TAOK1: variants seen among roughly 807,000 people sequenced by gnomAD.
TAOK1 encodes serine/threonine-protein kinase TAO1.
Under a neutral mutation model 138.3 loss-of-function variants are expected in TAOK1, and 21 were observed. The observed-to-expected ratio is 0.15, with a 90% CI of 0.11 to 0.22. The LOEUF (loss-of-function observed/expected upper bound fraction) is 0.22. Ranked by LOEUF, TAOK1 falls within the 10% of genes least tolerant of loss-of-function variation. The probability of loss-of-function intolerance (pLI) is 1.00; values close to 1 mark genes in which losing one functional copy is unlikely to be tolerated. For synonymous variants in TAOK1, 361 were observed against 398.4 expected, an observed-to-expected ratio of 0.91 and a Z score of 1.12; for missense variants, 651 against 1,227.7, an observed-to-expected ratio of 0.53 and a Z score of 7.02.
At chr17:29,517,755 C>T in intron 16 of TAOK1, 99 bp downstream of exon 16, 1 of 1,100,546 alleles carries the variant, frequency 9.1e-7, no homozygotes, top group Non-Finnish European at 1.3e-6. Context: ...TGCACTTATA[C>T]TTGCCTCTGT....
intron 1 of TAOK1, among the ~76,000 whole-genome samples, chr17:29,398,671 A>G (rs1180365191): frequency 1.3e-5 from 2 of 151,880 alleles, no homozygotes; most frequent in Non-Finnish European, 2.9e-5. Context: ...CTGGGATTAT[A>G]GGCATGTGCC....
At chr17:29,480,123 A>ATT in intron 6 of TAOK1, 1 of 268,546 alleles carries the variant, frequency 3.7e-6, no homozygotes, top group Non-Finnish European at 6.9e-6. Flanking sequence ...CAATGAACTA[A>ATT]TTTTTTTTTA....
At chr17:29,465,990 T>C (rs1264339607) in intron 2 of TAOK1, among the ~76,000 whole-genome samples, 2 of 152,118 alleles carry the variant, frequency 1.3e-5, no homozygotes, top group Non-Finnish European at 2.9e-5. Context: ...TAATTTTGTT[T>C]TTCTAAGAGT....
chr17:29,413,188 G>A (rs1202741030), intron 1 of TAOK1, among the ~76,000 whole-genome samples: 2 of 152,136 alleles, frequency 1.3e-5, no homozygotes, highest in Non-Finnish European at 2.9e-5. Flanking sequence ...AATGTGGTCT[G>A]CCTTATAAAA....
chr17:29,423,933 C>T (rs894888713), intron 1 of TAOK1, among the ~76,000 whole-genome samples: 13 of 151,780 alleles, frequency 8.6e-5, no homozygotes, highest in Admixed American at 1.3e-4. Context: ...CCTGTAATCC[C>T]AGCTACTCTG....
intron 1 of TAOK1, among the ~76,000 whole-genome samples, chr17:29,432,961 T>G (rs1427863753): frequency 6.6e-6 from 1 of 152,138 alleles, no homozygotes; most frequent in Non-Finnish European, 1.5e-5. Context: ...TGTCTTGCAA[T>G]GTTGCCTAGG....
intron 19 of TAOK1, among the ~76,000 whole-genome samples, chr17:29,539,439 GT>G (rs1221079690): frequency 1.3e-5 from 2 of 152,012 alleles, no homozygotes; most frequent in Non-Finnish European, 2.9e-5. Flanking sequence ...GTTTTGTTTT[GT>G]TTTTTGTTTT....
In TAOK1 at chr17:29,544,485, A is replaced by G. The variant is rs189204707; in HGVS notation, c.*1463A>G. On this transcript the variant is annotated 3_prime_UTR_variant, in exon 20 of 20. Transcript: ENST00000261716. ...AAGGAACTAGGAAGTTTGGCCAATT[A>G]AAAAAAAAAAGTAAAATAAGTTATA... is the stretch of plus-strand genomic sequence containing the variant. The G allele has an allele frequency of 4.8e-5, 7 of 146,964 alleles. No homozygotes were observed. Among genetic ancestry groups the G allele is most frequent in the Non-Finnish European group, 1.1e-4 (7 of 66,114 alleles). 9.1% of individuals were successfully genotyped at this position (146,964 alleles called of 1,614,324 possible). A position where few individuals can be genotyped will look rare whatever the true frequency, so the allele number is the denominator to read the frequency against.
intron 3 of TAOK1, among the ~76,000 whole-genome samples, chr17:29,472,142 A>G (rs2030832684): frequency 6.6e-6 from 1 of 152,174 alleles, no homozygotes; most frequent in African/African-American, 2.4e-5. Context: ...CCCTCCCATG[A>G]GTCGGAAACG....
intron 15 of TAOK1, chr17:29,513,253 C>G (rs1357862253): frequency 6.6e-6 from 1 of 152,064 alleles, no homozygotes; most frequent in African/African-American, 2.4e-5. Context: ...AAGACTTGCT[C>G]TATACCTTGC....
chr17:29,491,712 C>A, intron 9 of TAOK1, 72 bp from the exon 10 acceptor site: 3 of 1,058,246 alleles, frequency 2.8e-6, no homozygotes, highest in East Asian at 2.4e-5. Flanking sequence ...CCAATAGGCA[C>A]GTGTCTTGAT....
intron 1 of TAOK1, among the ~76,000 whole-genome samples, chr17:29,441,392 T>A (rs2029936992): frequency 6.6e-6 from 1 of 152,166 alleles, no homozygotes; most frequent in African/African-American, 2.4e-5. Context: ...TCCAGGTTGT[T>A]TCCTCTGACA....
intron 19 of TAOK1, among the ~76,000 whole-genome samples, chr17:29,541,393 A>G (rs1173953799): frequency 6.6e-6 from 1 of 151,636 alleles, no homozygotes; most frequent in Non-Finnish European, 1.5e-5. Context: ...TATGGGCGTG[A>G]TCCACCGCGC....
chr17:29,424,224 C>T (rs768173360), intron 1 of TAOK1, among the ~76,000 whole-genome samples: 4 of 151,696 alleles, frequency 2.6e-5, no homozygotes, highest in Non-Finnish European at 4.4e-5. Context: ...ATCACAAGGG[C>T]AGGAGATCGA....
chr17:29,434,695 A>G (rs72821431), intron 1 of TAOK1, among the ~76,000 whole-genome samples: 1 of 152,256 alleles, frequency 6.6e-6, no homozygotes, highest in Non-Finnish European at 1.5e-5. Flanking sequence ...CATGGATATT[A>G]ATGTGGCCTT....
chr17:29,489,594 G>T, intron 8 of TAOK1, 70 bp from the exon 9 acceptor site: 1 of 934,510 alleles, frequency 1.1e-6, no homozygotes, highest in Non-Finnish European at 1.6e-6. Context: ...AAAAAAAAAA[G>T]GAAAAACGTG....
intron 1 of TAOK1, among the ~76,000 whole-genome samples, chr17:29,391,779 C>T (rs1225735471): frequency 6.6e-6 from 1 of 152,146 alleles, no homozygotes; most frequent in African/African-American, 2.4e-5. Flanking sequence ...CCTGTTAGAA[C>T]AGTTTTGATG....
At chr17:29,519,048 T>A (rs1598519011) in intron 16 of TAOK1, among the ~76,000 whole-genome samples, 1 of 152,156 alleles carries the variant, frequency 6.6e-6, no homozygotes, top group East Asian at 1.9e-4. Flanking sequence ...ATTACAGGTG[T>A]GAGCCACAGT....
In TAOK1 at chr17:29,495,685, G is replaced by A; in HGVS notation, c.957G>A (p.Glu319=). 3 of 1,611,204 alleles carry A rather than the reference G, an allele frequency of 1.9e-6. No homozygotes were observed. Among genetic ancestry groups the A allele is most frequent in the Non-Finnish European group, 2.5e-6 (3 of 1,178,160 alleles). The change falls in exon 11 of 20, where the codon GAG becomes GAA. Residue 319 remains glutamate, a synonymous_variant. Coordinates refer to ENST00000261716, the MANE Select transcript of TAOK1 (RefSeq NM_020791.4). ...YRKMKKLLFQ[E]AHNGPAVEAQ... ...AGATGAAGAAACTCCTTTTCCAGGA[G>A]GCACATAATGGACCAGCAGTAGAAG... is the stretch of plus-strand genomic sequence containing the variant.
Sources: gnomAD v4.1 joint callset for allele counts (sites outside exome capture counted in the v4.1 genomes callset) on GRCh38, gnomAD v4.1.1 for gene constraint, MANE v1.5 for transcripts, NCBI Gene and HGNC (gene_info 2026-07-23, HGNC 2026-07-21) for gene names.